The following CEP162 variants were observed in gnomAD, a reference collection of about 807,000 sequenced individuals.
The protein encoded by CEP162 is centrosomal protein of 162 kDa.
Under a neutral mutation model 169.2 loss-of-function variants are expected in CEP162, and 141 were observed. That is an observed-to-expected ratio of 0.83 (90% confidence interval 0.73 to 0.96). The LOEUF (loss-of-function observed/expected upper bound fraction) is 0.96, where lower values mean the gene tolerates loss of function less well. Among genes scored for constraint, CEP162 ranks in the 40% least tolerant of loss-of-function variants. The pLI, the probability that CEP162 is intolerant of heterozygous loss-of-function variation, is 0.00. For synonymous variants in CEP162, 540 were observed against 526.4 expected, an observed-to-expected ratio of 1.03 and a Z score of -0.35; for missense variants, 1,600 against 1,587.2, an observed-to-expected ratio of 1.01 and a Z score of -0.14.
chr6:84,179,655 A>G (rs1366414142), intron 13 of CEP162, among the ~76,000 whole-genome samples: 2 of 152,098 alleles, frequency 1.3e-5, no homozygotes, highest in South Asian at 2.1e-4. Flanking sequence ...GCTGTGCAGA[A>G]GCTCTTTAAT....
chr6:84,165,829 T>C (rs2099527597), intron 18 of CEP162, among the ~76,000 whole-genome samples: 2 of 152,206 alleles, frequency 1.3e-5, no homozygotes, highest in African/African-American at 4.8e-5. Context: ...TAATCTTAGT[T>C]TCTAGCTGCA....
At chr6:84,169,898 T>C (rs1263056279) in intron 17 of CEP162, among the ~76,000 whole-genome samples, 2 of 152,168 alleles carry the variant, frequency 1.3e-5, no homozygotes, top group Non-Finnish European at 2.9e-5. Flanking sequence ...AGAGATATTA[T>C]AGAAGGAGTT....
At chr6:84,216,206 C>G (rs2099551485) in intron 3 of CEP162, among the ~76,000 whole-genome samples, 2 of 152,096 alleles carry the variant, frequency 1.3e-5, no homozygotes, top group South Asian at 4.1e-4. Context: ...ATACAGTATA[C>G]CATGACACTT....
At chr6:84,195,363 T>C (rs1038250162) in intron 9 of CEP162, among the ~76,000 whole-genome samples, 3 of 152,212 alleles carry the variant, frequency 2.0e-5, no homozygotes, top group Non-Finnish European at 4.4e-5. Flanking sequence ...TTCTTAAGTT[T>C]CCCAAACTAA....
chr6:84,203,154 G>T (rs563294889), intron 7 of CEP162, among the ~76,000 whole-genome samples: 1 of 152,326 alleles, frequency 6.6e-6, no homozygotes, highest in South Asian at 2.1e-4. Flanking sequence ...ATATGAAGTA[G>T]TAGCCCTGAA....
At chr6:84,181,334 C>T (rs58739816) in intron 13 of CEP162, among the ~76,000 whole-genome samples, 1 of 152,270 alleles carries the variant, frequency 6.6e-6, no homozygotes, top group African/African-American at 2.4e-5. Context: ...TTCCTTACAC[C>T]TTATACAAAA....
intron 25 of CEP162, among the ~76,000 whole-genome samples, chr6:84,134,114 G>A (rs2099512832): frequency 6.6e-6 from 1 of 152,198 alleles, no homozygotes; most frequent in Admixed American, 6.5e-5. Context: ...AGCTGCAGTG[G>A]GCTCTGCCCA....
chr6:84,185,487 A>T (rs749452786), intron 12 of CEP162, 39 bp from the exon 13 acceptor site: 12 of 1,510,710 alleles, frequency 7.9e-6, no homozygotes, highest in Non-Finnish European at 1.1e-5. Flanking sequence ...TACCTAAATA[A>T]ACTTTAACTA....
intron 3 of CEP162, among the ~76,000 whole-genome samples, chr6:84,218,379 T>G (rs917456724): frequency 6.6e-6 from 1 of 152,188 alleles, no homozygotes; most frequent in Admixed American, 6.5e-5. Context: ...CTCGTCCTCA[T>G]AGGCCAGCAG....
rs1588876798 is a variant in CEP162, at chr6:84,207,654, CATGTATACAT to C, written c.572-3568_572-3559del. On this transcript the variant is annotated intron_variant, in intron 6 of 26. Transcript: ENST00000403245. ...ACGGGTGCAGCACACCAACATGGCA[CATGTATACAT>C]ATGTAACAAACCTGCACGTTGTGCA... Among the ~76,000 whole-genome samples, 7 of 151,946 alleles carry C rather than the reference CATGTATACAT, an allele frequency of 4.6e-5. 1 individual carries two copies.
intron 2 of CEP162, among the ~76,000 whole-genome samples, chr6:84,222,327 T>G (rs1381785013): frequency 6.6e-6 from 1 of 152,214 alleles, no homozygotes; most frequent in Non-Finnish European, 1.5e-5. Flanking sequence ...TTGACTTTAG[T>G]AGCATCACTT....
intron 18 of CEP162, among the ~76,000 whole-genome samples, chr6:84,164,880 C>CA (rs1001550403): frequency 5.0e-4 from 76 of 150,810 alleles, no homozygotes; most frequent in Admixed American, 3.8e-3. Context: ...ACAAAACAAA[C>CA]AAAAAAAAAG....
chr6:84,210,582 T>C (rs2099549052), intron 6 of CEP162, among the ~76,000 whole-genome samples: 1 of 152,180 alleles, frequency 6.6e-6, no homozygotes, highest in Admixed American at 6.5e-5. Context: ...TCAGAAAGGC[T>C]GAGGCAATTT....
At chr6:84,157,810 T>C (rs1039965169) in intron 21 of CEP162, among the ~76,000 whole-genome samples, 1 of 152,158 alleles carries the variant, frequency 6.6e-6, no homozygotes, top group African/African-American at 2.4e-5. Flanking sequence ...TATATGCACA[T>C]GAGTGTGTAA....
rs1243121141 is a variant in CEP162, at chr6:84,124,918, G to T, written c.*152C>A. ...CCATTATATGTTTTTTTTCTTATTG[G>T]TTAAAGGCAATTTATTTTGAAATGT... is the stretch of plus-strand genomic sequence containing the variant. On this transcript the variant is annotated 3_prime_UTR_variant, in exon 27 of 27. Coordinates refer to ENST00000403245, the MANE Select transcript of CEP162 (RefSeq NM_014895.4). 30 of 667,770 alleles carry T rather than the reference G, an allele frequency of 4.5e-5. No individual in the cohort carries two copies. The highest frequency in any genetic ancestry group is 1.1e-4 in the African/African-American group (6 of 54,084). 41.4% of individuals were successfully genotyped at this position (667,770 alleles called of 1,614,324 possible).
At chr6:84,192,227 G>A (rs2099540225) in intron 11 of CEP162, among the ~76,000 whole-genome samples, 1 of 152,204 alleles carries the variant, frequency 6.6e-6, no homozygotes, top group African/African-American at 2.4e-5. Context: ...TTTTAGGTAT[G>A]TGTACTAAAG....
chr6:84,133,300 CAA>C (rs1288712080), intron 25 of CEP162, among the ~76,000 whole-genome samples: 1 of 152,208 alleles, frequency 6.6e-6, no homozygotes, highest in East Asian at 1.9e-4. Context: ...TTAGGCTACT[CAA>C]GTGTCAGGGA....
intron 5 of CEP162, among the ~76,000 whole-genome samples, chr6:84,213,808 C>T (rs34751863): frequency 0.033 from 4,996 of 152,224 alleles, 96 homozygotes; most frequent in Middle Eastern, 0.054. Flanking sequence ...CACAAACCCG[C>T]GCATGCTTAA....
intron 18 of CEP162, among the ~76,000 whole-genome samples, chr6:84,169,061 CT>C (rs1478033711): frequency 1.3e-5 from 2 of 151,980 alleles, no homozygotes; most frequent in African/African-American, 4.8e-5. Flanking sequence ...ATAAATGCAC[CT>C]GATGAGATGT....
Sources: allele counts gnomAD v4.1 joint callset (sites outside exome capture counted in the v4.1 genomes callset), GRCh38; gene constraint gnomAD v4.1.1; transcripts MANE v1.5; gene names NCBI Gene and HGNC (gene_info 2026-07-23, HGNC 2026-07-21).